The following FUT9 variants were observed in gnomAD, a reference collection of about 807,000 sequenced individuals.
FUT9 encodes 4-galactosyl-N-acetylglucosaminide 3-alpha-L-fucosyltransferase 9.
Under a neutral mutation model 29.7 loss-of-function variants are expected in FUT9, and 15 were observed. The observed-to-expected ratio is 0.51, with a 90% CI of 0.34 to 0.78. The LOEUF is 0.78. Among genes scored for constraint, FUT9 ranks in the 30% least tolerant of loss-of-function variants. The pLI is 0.01. For synonymous variants in FUT9, 169 were observed against 153.7 expected, an observed-to-expected ratio of 1.10 and a Z score of -0.74; for missense variants, 319 against 425.4, an observed-to-expected ratio of 0.75 and a Z score of 2.20.
intron 1 of FUT9, among the ~76,000 whole-genome samples, chr6:96,065,006 C>G (rs1008526786): frequency 3.3e-5 from 5 of 152,172 alleles, no homozygotes; most frequent in Admixed American, 1.3e-4. Flanking sequence ...TCCCTTGCTT[C>G]ACTCCACATT....
intron 2 of FUT9, among the ~76,000 whole-genome samples, chr6:96,117,405 G>A (rs528135704): frequency 5.1e-4 from 77 of 152,282 alleles, no homozygotes; most frequent in Non-Finnish European, 1.1e-3. Flanking sequence ...CATAGATACA[G>A]AAATGGGTCT....
At chr6:96,116,761 G>A (rs1325294692) in intron 2 of FUT9, among the ~76,000 whole-genome samples, 2 of 152,146 alleles carry the variant, frequency 1.3e-5, no homozygotes, top group Non-Finnish European at 2.9e-5. Context: ...ATGGGAAGCA[G>A]ATCAGTGGTT....
chr6:96,195,748 CA>C (rs1026346656), intron 2 of FUT9, among the ~76,000 whole-genome samples: 3 of 151,796 alleles, frequency 2.0e-5, no homozygotes, highest in Non-Finnish European at 4.4e-5. Context: ...GGAGTAAAAG[CA>C]AAATAAAACA....
In FUT9 at chr6:96,048,861, T is replaced by A. The variant is rs149906663; in HGVS notation, c.-98+32649T>A. Among the ~76,000 whole-genome samples the A allele has an allele frequency of 4.8e-4, 73 of 152,246 alleles. 1 individual carries two copies. The East Asian group carries it at 0.013, about 28-fold the overall frequency. On this transcript the variant is annotated intron_variant, in intron 1 of 2. Transcript: ENST00000302103. ...GGTGCATCTGCAGTAAAACCAGGTGTGGAAGAGCAGGAATGCTATAGTCAG... is the reference window on the plus strand; with the variant it reads ...GGTGCATCTGCAGTAAAACCAGGTGAGGAAGAGCAGGAATGCTATAGTCAG...
At chr6:96,162,158 C>T (rs9390951) in intron 2 of FUT9, among the ~76,000 whole-genome samples, 25,587 of 152,132 alleles carry the variant, frequency 0.17, 2,461 homozygotes, top group East Asian at 0.24. Context: ...AATTCCAAAA[C>T]CTGTGTCATA....
intron 1 of FUT9, among the ~76,000 whole-genome samples, chr6:96,074,658 T>C (rs1373909599): frequency 6.6e-6 from 1 of 152,222 alleles, no homozygotes; most frequent in Non-Finnish European, 1.5e-5. Flanking sequence ...GTCACCTATA[T>C]AACTATAGTT....
chr6:96,166,562 T>C (rs1773019605), intron 2 of FUT9, among the ~76,000 whole-genome samples: 1 of 152,200 alleles, frequency 6.6e-6, no homozygotes. Flanking sequence ...TAAGCGCCAT[T>C]AATTCTGGAA....
chr6:96,139,724 A>G (rs1328986185), intron 2 of FUT9, among the ~76,000 whole-genome samples: 7 of 152,066 alleles, frequency 4.6e-5, no homozygotes, highest in Non-Finnish European at 4.4e-5. Context: ...CAAGGTTTGG[A>G]GCTTGCACCC....
chr6:96,199,073 T>G (rs1382945536), intron 2 of FUT9, among the ~76,000 whole-genome samples: 2 of 152,206 alleles, frequency 1.3e-5, no homozygotes, highest in Non-Finnish European at 2.9e-5. Flanking sequence ...TTAAGTTACA[T>G]TCTCTCATAG....
intron 1 of FUT9, among the ~76,000 whole-genome samples, chr6:96,055,336 A>G (rs1770742491): frequency 6.6e-6 from 1 of 151,798 alleles, no homozygotes; most frequent in Admixed American, 6.6e-5. Context: ...TATTTGACCC[A>G]ATAACTAGGA....
At chr6:96,069,018 G>T (rs766445857) in intron 1 of FUT9, among the ~76,000 whole-genome samples, 57 of 152,116 alleles carry the variant, frequency 3.7e-4, no homozygotes, top group Non-Finnish European at 5.9e-5. Flanking sequence ...TGTAAAATAT[G>T]ATAGTTAAGA....
intron 1 of FUT9, among the ~76,000 whole-genome samples, chr6:96,038,035 C>T (rs1480991786): frequency 6.6e-6 from 1 of 152,086 alleles, no homozygotes; most frequent in Non-Finnish European, 1.5e-5. Flanking sequence ...GTGTGTGGTG[C>T]CTTGAACAGA....
chr6:96,042,960 G>A (rs1770490500), intron 1 of FUT9, among the ~76,000 whole-genome samples: 1 of 152,126 alleles, frequency 6.6e-6, no homozygotes, highest in Admixed American at 6.6e-5. Context: ...CTGGACCAAT[G>A]GGTTTCTTGA....
chr6:96,070,717 G>T (rs1344308805), intron 1 of FUT9, among the ~76,000 whole-genome samples: 1 of 152,010 alleles, frequency 6.6e-6, no homozygotes, highest in Non-Finnish European at 1.5e-5. Flanking sequence ...ATTTAATTAA[G>T]TTAGAATTAC....
rs368580153 is a variant in FUT9, at chr6:96,178,092, G to T, written c.-8-25056G>T. 1.1e-3 allele frequency among the ~76,000 whole-genome samples: 161 copies of T among 152,226 alleles called. 4 individuals are homozygous for T. In the South Asian group the frequency reaches 0.031, roughly 29 times the overall value. On this transcript the variant is annotated intron_variant, in intron 2 of 2. Coordinates refer to ENST00000302103, the MANE Select transcript of FUT9 (RefSeq NM_006581.4). ...ATTCTCCTCAGCTCCCATGATGCCA[G>T]ACTTTGCTGGGTGCAGAGGCCCAGA...
chr6:96,070,555 G>T lies in FUT9; in HGVS notation c.-97-43484G>T, dbSNP rs898801618. Among the ~76,000 whole-genome samples, 156 of 152,154 alleles carry T rather than the reference G, an allele frequency of 1.0e-3. 2 individuals are homozygous for T. Among genetic ancestry groups the T allele is most frequent in the Non-Finnish European group, 2.2e-4 (15 of 67,988 alleles). ...ACAAAAAGTTAGCTGGGCATGGTGTGGCACACCTGTAGTCCCAGCAACTTG... is the reference window on the plus strand; with the variant it reads ...ACAAAAAGTTAGCTGGGCATGGTGTTGCACACCTGTAGTCCCAGCAACTTG... On this transcript the variant is annotated intron_variant, in intron 1 of 2. Coordinates refer to ENST00000302103, the MANE Select transcript of FUT9 (RefSeq NM_006581.4).
chr6:96,025,671 C>T (rs1451396459), intron 1 of FUT9, among the ~76,000 whole-genome samples: 1 of 151,602 alleles, frequency 6.6e-6, no homozygotes, highest in East Asian at 1.9e-4. Context: ...CATGGCATAA[C>T]CCAATTAACT....
chr6:96,088,589 A>T (rs1161968033), intron 1 of FUT9, among the ~76,000 whole-genome samples: 1 of 151,116 alleles, frequency 6.6e-6, no homozygotes, highest in Non-Finnish European at 1.5e-5. Flanking sequence ...CGTGCTCCAT[A>T]TTGGATAGTT....
At chr6:96,060,032 A>G (rs1298090516) in intron 1 of FUT9, among the ~76,000 whole-genome samples, 3 of 152,210 alleles carry the variant, frequency 2.0e-5, no homozygotes, top group Non-Finnish European at 2.9e-5. Context: ...CATTGTGTCT[A>G]TTATCTGCAT....
Sources: gnomAD v4.1 joint callset for allele counts (sites outside exome capture counted in the v4.1 genomes callset) on GRCh38, gnomAD v4.1.1 for gene constraint, MANE v1.5 for transcripts, NCBI Gene and HGNC (gene_info 2026-07-23, HGNC 2026-07-21) for gene names.